The following SOD2 variants were observed in gnomAD, a reference collection of about 807,000 sequenced individuals.
SOD2 encodes the protein superoxide dismutase [Mn], mitochondrial.
Under a neutral mutation model 27.0 loss-of-function variants are expected in SOD2, and 11 were observed. The observed-to-expected ratio is 0.41, with a 90% CI of 0.26 to 0.67. SOD2 has a LOEUF of 0.67. SOD2 is among the 30% of genes least tolerant of loss of function. The pLI is 0.34. For synonymous variants in SOD2, 105 were observed against 103.0 expected (o/e 1.02, Z -0.12); for missense variants, 250 against 274.5 (o/e 0.91, Z 0.63).
intron 1 of SOD2, chr6:159,739,061 T>C (rs1779087119): frequency 5.6e-6 from 9 of 1,602,868 alleles, no homozygotes; most frequent in Non-Finnish European, 7.7e-6. Flanking sequence ...ATGTTCTCTG[T>C]TCAAAAACAA....
chr6:159,751,448 G>A (rs1046854459), intron 1 of SOD2, among the ~76,000 whole-genome samples: 1 of 152,214 alleles, frequency 6.6e-6, no homozygotes, highest in African/African-American at 2.4e-5. Context: ...AGCATAGGCA[G>A]TAAAGTGGAA....
chr6:159,699,304 A>G (rs1272349849), intron 1 of SOD2, among the ~76,000 whole-genome samples: 1 of 152,134 alleles, frequency 6.6e-6, no homozygotes, highest in Non-Finnish European at 1.5e-5. Flanking sequence ...TGCCCCTTAG[A>G]TGGCATTTGC....
In SOD2 at chr6:159,723,761, C is replaced by T. The variant is rs544731823; in HGVS notation, c.-116+3368G>A. ...TCCACAGAACTAGGACTTTTTTTTG[C>T]AGTTGAAACTTTTTTTTCTTTTTGA... On this transcript the variant is annotated intron_variant, in intron 1 of 2. Coordinates refer to the SOD2 transcript ENST00000401980. Among the ~76,000 whole-genome samples, 788 of 150,414 alleles carry T rather than the reference C, an allele frequency of 5.2e-3. 5 individuals carry two copies. Among genetic ancestry groups the T allele is most frequent in the African/African-American group, 0.018 (746 of 40,970 alleles).
intron 1 of SOD2, chr6:159,720,506 A>G (rs924889606): frequency 6.5e-6 from 1 of 153,042 alleles, no homozygotes; most frequent in Non-Finnish European, 1.5e-5. Context: ...CTAGGTACCC[A>G]TTGGACAGTA....
At chr6:159,692,901 G>A (rs1159189428) in intron 1 of SOD2, 38 bp from the exon 2 acceptor site, 11 of 1,524,234 alleles carry the variant, frequency 7.2e-6, no homozygotes, top group Admixed American at 4.0e-5. Context: ...AGTCAGCGCC[G>A]CGGGACCGTC....
chr6:159,745,856 G>C (rs1779545184), upstream of SOD2, among the ~76,000 whole-genome samples: 1 of 152,188 alleles, frequency 6.6e-6, no homozygotes, highest in South Asian at 2.1e-4. Flanking sequence ...AGACAGGACA[G>C]AATAGGTGTT....
At chr6:159,737,450 T>A (rs1441436393) in intron 1 of SOD2, among the ~76,000 whole-genome samples, 1 of 152,122 alleles carries the variant, frequency 6.6e-6, no homozygotes, top group African/African-American at 2.4e-5. Flanking sequence ...AGGAAAAAAA[T>A]TTAAGTGTCT....
chr6:159,715,071 A>G (rs1320170756), intron 1 of SOD2, among the ~76,000 whole-genome samples: 10 of 151,950 alleles, frequency 6.6e-5, no homozygotes, highest in African/African-American at 2.4e-4. Flanking sequence ...TGAGAGGAAC[A>G]TGGAAAAGTA....
chr6:159,748,271 C>T, upstream of SOD2: 2 of 1,614,070 alleles, frequency 1.2e-6, no homozygotes, highest in Non-Finnish European at 1.7e-6. This position sits in a 1 kb window ranked among gnomAD's most constrained non-coding sequence, Gnocchi z 5.6. Flanking sequence ...CAGCGATCAA[C>T]TTGTTTTTCC....
At chr6:159,761,167 C>CAAAA (rs931829189) in exon 1 of SOD2, 1 of 163,920 alleles carries the variant, frequency 6.1e-6, no homozygotes, top group African/African-American at 2.4e-5. Context: ...ACAGTTTTCC[C>CAAAA]CTTCATGACT....
rs1779808152 is a variant in SOD2 at position 159,677,676 on chromosome 6, C to T, written c.*4817G>A. The T allele has an allele frequency of 6.6e-6, 1 of 152,330 alleles. No homozygotes were observed. The highest frequency in any genetic ancestry group is 2.1e-4 in the South Asian group (1 of 4,832). 9.4% of individuals were successfully genotyped at this position (152,330 alleles called of 1,614,324 possible). Reference sequence around the variant, plus strand: ...TCACACTGTCACCCAGGCTGGAGTGCAGTAGCACAATCATAGCTCACTACA... The same window carrying T: ...TCACACTGTCACCCAGGCTGGAGTGTAGTAGCACAATCATAGCTCACTACA... On this transcript the variant is annotated 3_prime_UTR_variant, in exon 5 of 5. Coordinates refer to ENST00000538183, the MANE Select transcript of SOD2 (RefSeq NM_000636.4).
Position 159,674,924 on chromosome 6 carries a change from A to G in SOD2, c.*7569T>C, listed in dbSNP as rs567014599. 19 of 152,248 alleles carry G rather than the reference A, an allele frequency of 1.2e-4. No individual in the cohort carries two copies. Among genetic ancestry groups the G allele is most frequent in the Non-Finnish European group, 2.4e-4 (16 of 68,056 alleles). The allele number at this position is 152,248 out of a possible 1,614,324, so 9.4% of individuals were successfully genotyped here. On this transcript the variant is annotated 3_prime_UTR_variant, in exon 5 of 5. Transcript: ENST00000538183. ...TCTCAGGATACAAAATCAATGTGCA[A>G]AAATCACAAGCATTCTTATACACCA...
upstream of SOD2, chr6:159,727,598 A>G (rs1407287168): frequency 1.0e-5 from 10 of 986,462 alleles, no homozygotes; most frequent in East Asian, 5.7e-4. Context: ...GGCCGGCGGC[A>G]GAGCTGTCCG....
At chr6:159,750,843 T>TCC (rs1554265398) in intron 1 of SOD2, among the ~76,000 whole-genome samples, 1 of 65,694 alleles carries the variant, frequency 1.5e-5, no homozygotes, top group Non-Finnish European at 3.9e-5. Context: ...GCTCAGGCAA[T>TCC]CCCGTCTGGA....
At position 159,692,756 on chromosome 6, in the gene SOD2, G is replaced by C. The variant is rs763954620; in HGVS notation, c.131C>G (p.Ala44Gly). 30 of 1,614,060 alleles carry C rather than the reference G, an allele frequency of 1.9e-5. No homozygotes were observed. The Admixed American group carries it at 3.5e-4, about 19-fold the overall frequency. Residue 44 changes from alanine to glycine, a missense_variant, in exon 2 of 5, where the codon GCG (alanine) becomes GGG (glycine). Transcript: ENST00000538183. ...GCTGTGGTGCAGCTGCATGATCTGC[G>C]CGTTGATGTGAGGTTCCAGGGCGCC... ...DYGALEPHIN[A>G]QIMQLHHSKH... is the part of the protein sequence containing the mutation.
At chr6:159,727,374 T>TGGCAGGAGGTGGGAGGCGGGA, upstream of SOD2, 1 of 1,032,512 alleles carries the variant, frequency 9.7e-7, no homozygotes, top group Non-Finnish European at 1.2e-6. Flanking sequence ...GCGGGGAGGC[T>TGGCAGGAGGTGGGAGGCGGGA]GGCGGGAGGC....
chr6:159,743,401 G>A (rs889535749), intron 1 of SOD2, among the ~76,000 whole-genome samples: 6 of 152,208 alleles, frequency 3.9e-5, no homozygotes, highest in Non-Finnish European at 8.8e-5. Context: ...TGTGAATACT[G>A]TATAACACAG....
At chr6:159,727,059 C>T in intron 1 of SOD2, 5 of 1,215,922 alleles carry the variant, frequency 4.1e-6, no homozygotes, top group Non-Finnish European at 4.2e-6. Flanking sequence ...TCCACCTTCC[C>T]TTCCCGTGAT....
chr6:159,755,699 G>T (rs1206363020), intron 1 of SOD2: 38 of 1,253,742 alleles, frequency 3.0e-5, no homozygotes, highest in Non-Finnish European at 3.7e-5. Context: ...GTCACAATTT[G>T]CCTTTTTGTG....
Sources: gnomAD v4.1 joint callset for allele counts (sites outside exome capture counted in the v4.1 genomes callset) on GRCh38, gnomAD v4.1.1 for gene constraint, Gnocchi (gnomAD v3.1) non-coding constraint, MANE v1.5 for transcripts, NCBI Gene and HGNC (gene_info 2026-07-23, HGNC 2026-07-21) for gene names.